Variants in DARS2 observed in about 807,000 individuals in gnomAD.
DARS2 encodes the protein aspartyl-tRNA synthetase 2, mitochondrial, also known as aspartate--tRNA ligase, mitochondrial.
A neutral mutation model predicts 83.0 loss-of-function variants in DARS2; 63 were observed. The ratio of observed to expected loss-of-function variants is 0.76; its 90% CI spans 0.62 to 0.94. DARS2 has a LOEUF of 0.94. Among genes scored for constraint, DARS2 ranks in the 40% least tolerant of loss-of-function variants. The pLI is 0.00. For missense variants in DARS2, 675 were observed against 774.4 expected (o/e 0.87, Z 1.52); for synonymous variants, 250 against 269.3 (o/e 0.93, Z 0.70).
intron 12 of DARS2, among the ~76,000 whole-genome samples, chr1:173,848,117 T>C (rs1410114260): frequency 6.6e-6 from 1 of 152,130 alleles, no homozygotes; most frequent in East Asian, 1.9e-4. Context: ...CCTCCCAAAG[T>C]GGTGGGATTA....
At chr1:173,827,053 C>T (rs1652610600) in intron 2 of DARS2, among the ~76,000 whole-genome samples, 1 of 152,136 alleles carries the variant, frequency 6.6e-6, no homozygotes, top group Non-Finnish European at 1.5e-5. Flanking sequence ...CTTGATCCAC[C>T]AGTGGACTGA....
intron 12 of DARS2, among the ~76,000 whole-genome samples, chr1:173,848,671 T>C (rs1653532929): frequency 6.6e-6 from 1 of 152,242 alleles, no homozygotes; most frequent in Admixed American, 6.5e-5. Context: ...TATTCCATTA[T>C]AGCAGAGCTG....
At chr1:173,837,156 G>C in intron 8 of DARS2, 110 bp downstream of exon 8, 1 of 971,016 alleles carries the variant, frequency 1.0e-6, no homozygotes, top group Non-Finnish European at 1.6e-6. Context: ...GAAAATTTAT[G>C]AGAGTTTGGA....
intron 1 of DARS2, among the ~76,000 whole-genome samples, chr1:173,825,610 A>G (rs993894439): frequency 1.3e-5 from 2 of 151,710 alleles, no homozygotes; most frequent in African/African-American, 4.8e-5. Context: ...CTGGGACTAC[A>G]GGCGCCCGCG....
At position 173,858,142 on chromosome 1, in the gene DARS2, T is replaced by C; in HGVS notation, c.*437T>C. 2.4e-5 allele frequency: 5 copies of C among 209,696 alleles called. No homozygotes were observed. The highest frequency in any genetic ancestry group is 4.9e-5 in the Non-Finnish European group (5 of 101,748). 13.0% of individuals were successfully genotyped at this position (209,696 alleles called of 1,614,324 possible). Reference sequence around the variant, plus strand: ...TTCATCATCCTCATCAAGAGAATCATATAAATTAAGCTTTATAATGACATT... The same window carrying C: ...TTCATCATCCTCATCAAGAGAATCACATAAATTAAGCTTTATAATGACATT... On this transcript the variant is annotated 3_prime_UTR_variant, in exon 17 of 17. Transcript: ENST00000649689.
chr1:173,838,079 A>C, intron 8 of DARS2, 111 bp from the exon 9 acceptor site: 1 of 883,534 alleles, frequency 1.1e-6, no homozygotes, highest in Non-Finnish European at 1.8e-6. Context: ...GGCCCTTCTT[A>C]CGTTTTTTAA....
At chr1:173,831,707 A>G in intron 5 of DARS2, 77 bp downstream of exon 5, 1 of 1,203,546 alleles carries the variant, frequency 8.3e-7, no homozygotes, top group Non-Finnish European at 1.2e-6. Flanking sequence ...AGAGTTTTTT[A>G]AAGAAAAGTT....
chr1:173,851,975 CCTAA>C (rs1359144269), intron 13 of DARS2: 5 of 985,196 alleles, frequency 5.1e-6, no homozygotes, highest in Non-Finnish European at 3.6e-6. Flanking sequence ...GGATTTTGTT[CCTAA>C]CTAATTTGGC....
At chr1:173,856,830 G>A in intron 16 of DARS2, 89 bp downstream of exon 16, 1 of 1,041,566 alleles carries the variant, frequency 9.6e-7, no homozygotes, top group Non-Finnish European at 1.5e-6. Context: ...AGAGGTGGAA[G>A]GATGAGTCCA....
At chr1:173,851,611 G>C (rs1049652932) in intron 13 of DARS2, among the ~76,000 whole-genome samples, 3 of 152,116 alleles carry the variant, frequency 2.0e-5, no homozygotes, top group Non-Finnish European at 4.4e-5. Flanking sequence ...TTCTTCAGGG[G>C]ATATGGAAGA....
chr1:173,838,208 A>T lies in DARS2; in HGVS notation c.789A>T (p.Arg263=). The T allele has an allele frequency of 6.2e-7, 1 of 1,613,672 alleles. No homozygotes were observed. Among genetic ancestry groups the T allele is most frequent in the South Asian group, 1.1e-5 (1 of 91,080 alleles). The change falls in exon 9 of 17, where the codon CGA becomes CGT. Residue 263 remains arginine, a synonymous_variant. Coordinates refer to ENST00000649689, the MANE Select transcript of DARS2 (RefSeq NM_018122.5). The stretch of plus-strand genomic sequence containing the variant: ...ATTGTAGATATTTTCAGGTTGCCCG[A>T]TGTTATCGAGATGAAGGTTCAAGAC... ...GGLDRYFQVA[R]CYRDEGSRPD...
chr1:173,834,761 TTGTTTTGG>T (rs1652931299), intron 7 of DARS2, among the ~76,000 whole-genome samples: 1 of 106,268 alleles, frequency 9.4e-6, no homozygotes, highest in African/African-American at 3.9e-5. Context: ...TTTTTTTGGT[TTGTTTTGG>T]GTTTTTTTTT....
intron 11 of DARS2, among the ~76,000 whole-genome samples, 168 bp downstream of exon 11, chr1:173,841,141 G>A (rs1320026347): frequency 1.3e-5 from 2 of 152,132 alleles, no homozygotes; most frequent in Non-Finnish European, 2.9e-5. Context: ...TTGGGAGGCC[G>A]AGGCGTGTGG....
Position 173,828,400 on chromosome 1 carries a change from G to T in DARS2, c.294+1G>T, listed in dbSNP as rs201476631. The T allele has an allele frequency of 2.5e-6, 4 of 1,612,294 alleles. No homozygotes were observed. The highest frequency in any genetic ancestry group is 3.4e-6 in the Non-Finnish European group (4 of 1,178,902). On this transcript the variant is annotated splice_donor_variant, in intron 3 of 16. Transcript: ENST00000649689. LOFTEE classifies it high-confidence loss of function. ...TCAAGTTATCATTCCCCAGGATGAG[G>T]TAATAGAAAATTTCCTGTTATTATC...
Position 173,825,004 on chromosome 1 carries a change from G to T in DARS2, c.-226G>T, listed in dbSNP as rs1652415522. The T allele has an allele frequency of 1.1e-5, 5 of 476,128 alleles. No homozygotes were observed. Among genetic ancestry groups the T allele is most frequent in the South Asian group, 9.7e-5 (5 of 51,332 alleles). The allele number at this position is 476,128 out of a possible 1,614,324, so 29.5% of individuals were successfully genotyped here. On this transcript the variant is annotated 5_prime_UTR_variant, in exon 1 of 17. It adds an upstream start codon to the 5' untranslated region. Coordinates refer to ENST00000649689, the MANE Select transcript of DARS2 (RefSeq NM_018122.5). ...ACTGATGCTTTAAGACTCAGGGAGAGGTCTTTCCCTTATCTCCACCCCAGC... is the reference window on the plus strand; with the variant it reads ...ACTGATGCTTTAAGACTCAGGGAGATGTCTTTCCCTTATCTCCACCCCAGC...
intron 11 of DARS2, among the ~76,000 whole-genome samples, chr1:173,842,092 G>A (rs1236694613): frequency 6.6e-6 from 1 of 152,234 alleles, no homozygotes; most frequent in East Asian, 1.9e-4. Flanking sequence ...GGCTGAGCAA[G>A]TGCTGACTCT....
At chr1:173,850,621 T>TA in intron 13 of DARS2, 142 bp downstream of exon 13, 2 of 915,666 alleles carry the variant, frequency 2.2e-6, no homozygotes, top group Admixed American at 2.9e-5. Context: ...TTTTTTTTTT[T>TA]AAGAGACGGA....
At chr1:173,832,330 T>A (rs1401674463) in intron 5 of DARS2, among the ~76,000 whole-genome samples, 1 of 152,192 alleles carries the variant, frequency 6.6e-6, no homozygotes, top group African/African-American at 2.4e-5. Context: ...ATTATCTAAT[T>A]AGAAAGAGCA....
intron 15 of DARS2, among the ~76,000 whole-genome samples, chr1:173,855,494 G>C (rs890389866): frequency 2.0e-5 from 3 of 152,024 alleles, no homozygotes; most frequent in African/African-American, 7.2e-5. Context: ...TAAAAAGATG[G>C]AGTCTCACTC....
Sources: allele counts gnomAD v4.1 joint callset (sites outside exome capture counted in the v4.1 genomes callset), GRCh38; gene constraint gnomAD v4.1.1; transcripts MANE v1.5; gene names NCBI Gene and HGNC (gene_info 2026-07-23, HGNC 2026-07-21).